Variants in EHMT1 observed in about 807,000 individuals in gnomAD.
The protein encoded by EHMT1 is histone-lysine N-methyltransferase EHMT1.
A neutral mutation model predicts 147.2 loss-of-function variants in EHMT1; 15 were observed. That is an observed-to-expected ratio of 0.10 (90% CI 0.07 to 0.16). The LOEUF (loss-of-function observed/expected upper bound fraction) is 0.16, where lower values mean the gene tolerates loss of function less well. EHMT1 is among the 10% of genes least tolerant of loss of function. The pLI is 1.00. For missense variants in EHMT1, 1,587 were observed against 1,772.4 expected (o/e 0.90, Z 1.88); for synonymous variants, 795 against 709.6 (o/e 1.12, Z -1.91).
chr9:137,743,656 C>A, intron 5 of EHMT1, 128 bp downstream of exon 5: 1 of 1,402,402 alleles, frequency 7.1e-7, no homozygotes, highest in Non-Finnish European at 1.0e-6. Flanking sequence ...AGCTCCTCTG[C>A]CATAGGGGCA....
chr9:137,791,175 TGAC>T (rs1330460029), intron 16 of EHMT1, among the ~76,000 whole-genome samples: 1 of 152,180 alleles, frequency 6.6e-6, no homozygotes, highest in Non-Finnish European at 1.5e-5. Flanking sequence ...CTACAGAGCC[TGAC>T]AACAGACAGG....
In EHMT1 at chr9:137,818,130, G is replaced by A. The variant is rs371824384; in HGVS notation, c.3532G>A (p.Asp1178Asn). 13 of 1,613,994 alleles carry A rather than the reference G, an allele frequency of 8.1e-6. No homozygotes were observed. The African/African-American group carries it at 1.3e-4, about 17-fold the overall frequency. The stretch of plus-strand genomic sequence containing the variant: ...GGAAGATTCTTACCTCTTTGATCTC[G>A]ACAATAAGGTAATGTGTTTTGTGGG... Reference protein sequence around the residue: ...REEDSYLFDLDNKDGEVYCID... With the variant: ...REEDSYLFDLNNKDGEVYCID... Residue 1178 changes from aspartate to asparagine, a missense_variant, in exon 25 of 27, where the codon GAC becomes AAC. Transcript: ENST00000460843.
At chr9:137,811,331 C>A in intron 18 of EHMT1, 130 bp from the exon 19 acceptor site, 2 of 1,292,242 alleles carry the variant, frequency 1.5e-6, no homozygotes, top group Non-Finnish European at 1.1e-6. Context: ...TTCCACCTGG[C>A]CCTGCTGCGG....
chr9:137,757,818 C>A, intron 8 of EHMT1, 62 bp from the exon 9 acceptor site: 17 of 1,608,956 alleles, frequency 1.1e-5, no homozygotes, highest in African/African-American at 2.7e-5. Flanking sequence ...CTGCCCTGTG[C>A]GTCTGGGTGG....
intron 4 of EHMT1, among the ~76,000 whole-genome samples, chr9:137,737,211 T>C (rs1214348247): frequency 6.6e-6 from 1 of 152,060 alleles, no homozygotes; most frequent in African/African-American, 2.4e-5. Context: ...GACACTGTCT[T>C]AAAAAATAAT....
chr9:137,762,309 G>A (rs1949890283), intron 9 of EHMT1, among the ~76,000 whole-genome samples: 1 of 151,612 alleles, frequency 6.6e-6, no homozygotes, highest in Non-Finnish European at 1.5e-5. Context: ...AGGAAAACAA[G>A]GTCTTAAAGG....
At chr9:137,811,421 G>C (rs1954477076) in intron 18 of EHMT1, 40 bp from the exon 19 acceptor site, 5 of 1,609,884 alleles carry the variant, frequency 3.1e-6, no homozygotes, top group Non-Finnish European at 4.2e-6. Context: ...CTGTGAGCCA[G>C]CAGGAAGCCT....
At chr9:137,770,095 C>G (rs1405928585) in intron 10 of EHMT1, among the ~76,000 whole-genome samples, 1 of 152,168 alleles carries the variant, frequency 6.6e-6, no homozygotes, top group Non-Finnish European at 1.5e-5. Context: ...CCTCGGCCTC[C>G]CAAAGTGCTG....
intron 1 of EHMT1, among the ~76,000 whole-genome samples, chr9:137,669,339 C>CTCCT: frequency 9.3e-5 from 1 of 10,782 alleles, no homozygotes; most frequent in Non-Finnish European, 1.8e-4. Context: ...AGCACGTGGA[C>CTCCT]CCCACACCAC....
At chr9:137,791,075 A>C (rs1952486231) in intron 16 of EHMT1, 105 bp downstream of exon 16, 7 of 1,580,402 alleles carry the variant, frequency 4.4e-6, no homozygotes, top group Non-Finnish European at 6.1e-6. Flanking sequence ...TGGGGCCTTC[A>C]CACACTGACC....
At chr9:137,774,140 C>T (rs906701756) in intron 10 of EHMT1, among the ~76,000 whole-genome samples, 6 of 152,234 alleles carry the variant, frequency 3.9e-5, no homozygotes, top group African/African-American at 9.6e-5. Context: ...TTCATTGTAC[C>T]GCTGCCCACT....
At chr9:137,754,535 C>T (rs1344216854) in intron 8 of EHMT1, among the ~76,000 whole-genome samples, 1 of 151,162 alleles carries the variant, frequency 6.6e-6, no homozygotes, top group Admixed American at 6.6e-5. Context: ...TTTTTTGAGA[C>T]AGGATCTGGT....
intron 10 of EHMT1, among the ~76,000 whole-genome samples, chr9:137,766,739 C>A (rs528056285): frequency 1.3e-5 from 2 of 152,316 alleles, no homozygotes; most frequent in African/African-American, 4.8e-5. Flanking sequence ...TACACTTTTG[C>A]TTTTAGTCTG....
chr9:137,659,198 C>T (rs1016160777), intron 1 of EHMT1, among the ~76,000 whole-genome samples: 5 of 149,106 alleles, frequency 3.4e-5, no homozygotes, highest in Non-Finnish European at 7.4e-5. Flanking sequence ...TTTGGTTTTT[C>T]TTCTTTTCTT....
At chr9:137,624,409 C>T (rs552666434) in intron 1 of EHMT1, among the ~76,000 whole-genome samples, 14 of 150,738 alleles carry the variant, frequency 9.3e-5, no homozygotes, top group African/African-American at 3.2e-4. Context: ...GCAACCTGCC[C>T]GGTTCAGGCA....
chr9:137,648,055 AT>A (rs57098533), intron 1 of EHMT1, among the ~76,000 whole-genome samples: 35 of 151,824 alleles, frequency 2.3e-4, no homozygotes, highest in African/African-American at 8.2e-4. Flanking sequence ...CCCCTTTCAT[AT>A]TTTTTTGGCA....
At chr9:137,712,001 C>G (rs1431492019) in intron 2 of EHMT1, among the ~76,000 whole-genome samples, 1 of 152,224 alleles carries the variant, frequency 6.6e-6, no homozygotes, top group Admixed American at 6.5e-5. Flanking sequence ...CGTCCACCCA[C>G]TGGCTGTGCA....
At chr9:137,647,419 G>GCTGTCGGCTCTAC (rs1238931775) in intron 1 of EHMT1, among the ~76,000 whole-genome samples, 1 of 152,152 alleles carries the variant, frequency 6.6e-6, no homozygotes, top group Admixed American at 6.5e-5. Flanking sequence ...CCCAGGAGAC[G>GCTGTCGGCTCTAC]CTGTCGGCTC....
intron 13 of EHMT1, among the ~76,000 whole-genome samples, chr9:137,779,104 A>C (rs542537796): frequency 1.3e-5 from 2 of 152,242 alleles, no homozygotes; most frequent in Admixed American, 6.5e-5. Flanking sequence ...TCACATTTCA[A>C]CGTGAGTTTT....
Sources: allele counts gnomAD v4.1 joint callset (sites outside exome capture counted in the v4.1 genomes callset), GRCh38; gene constraint gnomAD v4.1.1; transcripts MANE v1.5; gene names NCBI Gene and HGNC (gene_info 2026-07-23, HGNC 2026-07-21).